L3MBTL4: variants seen among roughly 807,000 people sequenced by gnomAD.
The protein encoded by L3MBTL4 is lethal(3)malignant brain tumor-like protein 4.
A neutral mutation model predicts 84.5 loss-of-function variants in L3MBTL4; 70 were observed. The ratio of observed to expected loss-of-function variants is 0.83; its 90% CI spans 0.68 to 1.01. The LOEUF (loss-of-function observed/expected upper bound fraction) is 1.01, where lower values mean the gene tolerates loss of function less well. Ranked by LOEUF, L3MBTL4 falls within the 50% of genes least tolerant of loss-of-function variation. The pLI, the probability that L3MBTL4 is intolerant of heterozygous loss-of-function variation, is 0.00. For synonymous variants in L3MBTL4, 274 were observed against 259.8 expected (o/e 1.05, Z -0.52); for missense variants, 715 against 754.8 (o/e 0.95, Z 0.62).
chr18:6,209,610 G>C (rs1356533199), intron 12 of L3MBTL4, among the ~76,000 whole-genome samples: 2 of 152,070 alleles, frequency 1.3e-5, no homozygotes, highest in African/African-American at 4.8e-5. Flanking sequence ...CTGAAATATA[G>C]AGTTATCATA....
intron 12 of L3MBTL4, among the ~76,000 whole-genome samples, chr18:6,207,058 C>G (rs1383449396): frequency 6.6e-6 from 1 of 152,148 alleles, no homozygotes; most frequent in Non-Finnish European, 1.5e-5. Context: ...GTCCCATGAG[C>G]TAAAAATGTT....
chr18:6,238,052 G>C lies in L3MBTL4; in HGVS notation c.708-12C>G. On this transcript the variant is annotated splice_polypyrimidine_tract_variant and intron_variant, in intron 9 of 18. Coordinates refer to ENST00000317931, the MANE Select transcript of L3MBTL4 (RefSeq NM_001330559.2). ...TATTAACATCGCACCTGCAAAAACA[G>C]AGCTCTATATTACGTTCCGTTTTAC... 1.9e-6 allele frequency: 3 copies of C among 1,612,920 alleles called. No homozygotes were observed. Among genetic ancestry groups the C allele is most frequent in the Non-Finnish European group, 2.5e-6 (3 of 1,178,912 alleles).
chr18:6,231,189 T>C (rs1178550107), intron 10 of L3MBTL4, among the ~76,000 whole-genome samples: 2 of 152,202 alleles, frequency 1.3e-5, no homozygotes, highest in African/African-American at 2.4e-5. Flanking sequence ...TAGGTTATCT[T>C]CCATAGTTTT....
intron 16 of L3MBTL4, among the ~76,000 whole-genome samples, chr18:6,046,136 T>TA (rs545464911): frequency 1.2e-4 from 18 of 150,820 alleles, no homozygotes; most frequent in South Asian, 1.1e-3. Flanking sequence ...CAACAACAGT[T>TA]AAAAAAAAAG....
intron 16 of L3MBTL4, among the ~76,000 whole-genome samples, chr18:5,972,481 T>C (rs143440130): frequency 1.4e-4 from 21 of 152,238 alleles, no homozygotes; most frequent in African/African-American, 4.8e-4. Flanking sequence ...CCCCAGTGTG[T>C]TGTGAATACT....
At chr18:6,144,863 A>G (rs918965277) in intron 13 of L3MBTL4, among the ~76,000 whole-genome samples, 12 of 152,228 alleles carry the variant, frequency 7.9e-5, no homozygotes, top group Admixed American at 7.2e-4. Flanking sequence ...GATGATAAGC[A>G]CAGAGACAAA....
rs535739198 is a variant in L3MBTL4 at position 6,269,200 on chromosome 18, C to T, written c.128-5162G>A. Among the ~76,000 whole-genome samples, 34 of 152,302 alleles carry T rather than the reference C, an allele frequency of 2.2e-4. No individual in the cohort carries two copies. In the South Asian group the frequency reaches 2.9e-3, roughly 13 times the overall value. On this transcript the variant is annotated intron_variant, in intron 4 of 18. Transcript: ENST00000317931. ...GAAAGTTGCCAGGCGCGGTGGCTCA[C>T]GCCTGTAATCCCAGCACTTGGGAGG...
chr18:6,150,982 A>G (rs2042869928), intron 13 of L3MBTL4, among the ~76,000 whole-genome samples: 1 of 152,232 alleles, frequency 6.6e-6, no homozygotes, highest in East Asian at 1.9e-4. Flanking sequence ...GTGCCATCCC[A>G]GTACAGACTA....
chr18:6,311,693 G>C, intron 2 of L3MBTL4, 37 bp from the exon 3 acceptor site: 1 of 1,183,254 alleles, frequency 8.5e-7, no homozygotes, highest in Non-Finnish European at 1.3e-6. Flanking sequence ...TGGGGATGGG[G>C]GTGTGACCCC....
At chr18:6,168,417 A>T (rs1394954866) in intron 13 of L3MBTL4, among the ~76,000 whole-genome samples, 1 of 151,592 alleles carries the variant, frequency 6.6e-6, no homozygotes, top group Non-Finnish European at 1.5e-5. Context: ...ACACTACCTG[A>T]CTTCAAACTA....
chr18:6,233,832 G>A (rs529561392), intron 10 of L3MBTL4, among the ~76,000 whole-genome samples: 2 of 152,032 alleles, frequency 1.3e-5, no homozygotes, highest in East Asian at 3.9e-4. Context: ...GGTTCATATG[G>A]AACCAAAAAA....
intron 1 of L3MBTL4, among the ~76,000 whole-genome samples, chr18:6,410,980 C>A (rs985811768): frequency 2.6e-5 from 4 of 152,174 alleles, no homozygotes; most frequent in Admixed American, 2.6e-4. Flanking sequence ...AGGGAACAGA[C>A]CTGTGACAAC....
In L3MBTL4 at chr18:6,301,115, C is replaced by G. The variant is rs566454356; in HGVS notation, c.127+788G>C. Among the ~76,000 whole-genome samples, 156 of 152,172 alleles carry G rather than the reference C, an allele frequency of 1.0e-3. 1 individual carries two copies. The highest frequency in any genetic ancestry group is 6.8e-3 in the Middle Eastern group (2 of 294). On this transcript the variant is annotated intron_variant, in intron 4 of 18. Transcript: ENST00000317931. ...GCCATAGAAAATGGACTTTAAAAAT[C>G]TCAATTCTTATTTGTCATTTTTTTC...
At chr18:6,033,483 T>C (rs976625482) in intron 16 of L3MBTL4, among the ~76,000 whole-genome samples, 10 of 152,232 alleles carry the variant, frequency 6.6e-5, no homozygotes, top group African/African-American at 2.2e-4. Flanking sequence ...AAATAATTAG[T>C]GATAGAGACT....
intron 1 of L3MBTL4, among the ~76,000 whole-genome samples, chr18:6,342,920 A>G (rs1342972339): frequency 1.3e-5 from 2 of 152,312 alleles, no homozygotes; most frequent in East Asian, 3.9e-4. Flanking sequence ...TAACCGAAGG[A>G]GAGCAGGAGT....
intron 16 of L3MBTL4, among the ~76,000 whole-genome samples, chr18:6,000,864 G>A (rs2054180191): frequency 6.6e-6 from 1 of 152,190 alleles, no homozygotes; most frequent in Non-Finnish European, 1.5e-5. Flanking sequence ...GAAGATGGTG[G>A]GTAGGAAGTG....
chr18:6,373,306 A>C (rs565415608), intron 1 of L3MBTL4, among the ~76,000 whole-genome samples: 1 of 152,298 alleles, frequency 6.6e-6, no homozygotes, highest in East Asian at 1.9e-4. Context: ...AAACCTTCCC[A>C]AAGGGCAGTC....
intron 1 of L3MBTL4, among the ~76,000 whole-genome samples, chr18:6,321,928 A>T (rs1470452947): frequency 1.3e-5 from 2 of 152,186 alleles, no homozygotes; most frequent in Non-Finnish European, 2.9e-5. Flanking sequence ...AGGGAGAAAA[A>T]AAAACTACAT....
intron 16 of L3MBTL4, among the ~76,000 whole-genome samples, chr18:6,064,072 T>G (rs1200704207): frequency 6.6e-6 from 1 of 152,174 alleles, no homozygotes; most frequent in East Asian, 1.9e-4. Context: ...TTCTTCTACA[T>G]GTGGTTTGCC....
Sources: allele counts gnomAD v4.1 joint callset (sites outside exome capture counted in the v4.1 genomes callset), GRCh38; gene constraint gnomAD v4.1.1; transcripts MANE v1.5; gene names NCBI Gene and HGNC (gene_info 2026-07-23, HGNC 2026-07-21).